The following MMP20 variants were observed in gnomAD, a reference collection of about 807,000 sequenced individuals.
The protein encoded by MMP20 is matrix metalloproteinase-20.
MMP20 carries 50 observed loss-of-function variants against 51.8 expected under a neutral mutation model. The ratio of observed to expected loss-of-function variants is 0.97; its 90% CI spans 0.77 to 1.22. The LOEUF (loss-of-function observed/expected upper bound fraction) is 1.22. Ranked by LOEUF, MMP20 falls within the 50% of genes most tolerant of loss-of-function variation. The pLI is 0.00. For missense variants in MMP20, 663 were observed against 601.4 expected (o/e 1.10, Z -1.07); for synonymous variants, 244 against 216.2 (o/e 1.13, Z -1.13).
Position 102,594,730 on chromosome 11 carries a change from C to T in MMP20, c.981G>A (p.Leu327=). Residue 327 remains leucine, a synonymous_variant, in exon 7 of 10, where the codon TTG becomes TTA. Coordinates refer to ENST00000260228, the MANE Select transcript of MMP20 (RefSeq NM_004771.4). The stretch of plus-strand genomic sequence containing the variant: ...TAGTGCTGGGCCGAATTCCTGTCCG[C>T]AAGTGAACCTGCCGTCTCCAGAAAA... ...DRIFWRRQVH[L]RTGIRPSTIT... The T allele has an allele frequency of 6.3e-7, 1 of 1,593,928 alleles. No homozygotes were observed. The highest frequency in any genetic ancestry group is 1.1e-5 in the South Asian group (1 of 90,514).
At chr11:102,611,460 C>T (rs545650418) in intron 3 of MMP20, among the ~76,000 whole-genome samples, 17 of 152,266 alleles carry the variant, frequency 1.1e-4, no homozygotes, top group Non-Finnish European at 1.9e-4. Context: ...ATGTGGCTAA[C>T]GGGAAAGCAA....
chr11:102,590,634 T>C (rs998116138), intron 8 of MMP20, among the ~76,000 whole-genome samples: 4 of 152,182 alleles, frequency 2.6e-5, no homozygotes, highest in African/African-American at 9.7e-5. Flanking sequence ...TGAACTAGCA[T>C]GAGGAGCAAG....
At chr11:102,603,430 G>T (rs1859473646) in intron 6 of MMP20, among the ~76,000 whole-genome samples, 1 of 152,128 alleles carries the variant, frequency 6.6e-6, no homozygotes, top group South Asian at 2.1e-4. Context: ...TAGGGGCACG[G>T]ATTCTGAAGT....
intron 6 of MMP20, among the ~76,000 whole-genome samples, chr11:102,604,093 A>G (rs1613596): frequency 0.52 from 79,218 of 151,040 alleles, 21,010 homozygotes; most frequent in South Asian, 0.65. Flanking sequence ...TGACTTCACC[A>G]CCTCCTTTAC....
chr11:102,607,330 T>A (rs1238609677), intron 5 of MMP20: 1 of 159,102 alleles, frequency 6.3e-6, no homozygotes, highest in African/African-American at 2.4e-5. Flanking sequence ...TATCAGTGAG[T>A]CTCCTCTCCT....
intron 8 of MMP20, among the ~76,000 whole-genome samples, chr11:102,590,306 T>A (rs1054928762): frequency 2.6e-5 from 4 of 152,188 alleles, no homozygotes; most frequent in African/African-American, 9.7e-5. Context: ...TGGTTCTAGT[T>A]GGCAAAGTTT....
chr11:102,578,504 C>T (rs1859152780), intron 9 of MMP20, among the ~76,000 whole-genome samples: 1 of 152,130 alleles, frequency 6.6e-6, no homozygotes, highest in Admixed American at 6.5e-5. Flanking sequence ...ATCTAGCTGA[C>T]TAATCGATTG....
intron 1 of MMP20, among the ~76,000 whole-genome samples, chr11:102,622,429 T>G (rs913789442): frequency 6.6e-6 from 1 of 152,130 alleles, no homozygotes; most frequent in Non-Finnish European, 1.5e-5. Context: ...GCCTGATGAT[T>G]GCATTCCAAG....
intron 5 of MMP20, among the ~76,000 whole-genome samples, 200 bp downstream of exon 5, chr11:102,608,737 G>T (rs750036842): frequency 7.9e-5 from 12 of 152,174 alleles, no homozygotes; most frequent in Non-Finnish European, 1.5e-4. Flanking sequence ...CTAATATGCT[G>T]TAAAGGAAAG....
At chr11:102,602,471 T>C (rs1591616183) in intron 6 of MMP20, among the ~76,000 whole-genome samples, 1 of 152,110 alleles carries the variant, frequency 6.6e-6, no homozygotes, top group Non-Finnish European at 1.5e-5. Flanking sequence ...GCAGAGGGTG[T>C]GGAAGCAAAG....
chr11:102,616,967 C>T lies in MMP20; in HGVS notation c.219G>A (p.Lys73=), dbSNP rs1189370247. The change falls in exon 2 of 10, where the codon AAG becomes AAA. Residue 73 remains lysine (K), a synonymous_variant. Transcript: ENST00000260228. ...GGAGGCCAAAGAACGCTTGTAGCTC[C>T]TTAATCTTCCTTATCATGGAATTGC... ...RGSNSMIRKI[K]ELQAFFGLQV... 3.1e-6 allele frequency: 5 copies of T among 1,614,058 alleles called. No homozygotes were observed. The African/African-American group carries it at 6.7e-5, about 22-fold the overall frequency.
At chr11:102,606,446 A>G in intron 6 of MMP20, 89 bp downstream of exon 6, 2 of 1,524,434 alleles carry the variant, frequency 1.3e-6, no homozygotes, top group Non-Finnish European at 1.8e-6. Context: ...TGATCTTCAT[A>G]CAAGGCAGCA....
chr11:102,578,923 A>G, intron 9 of MMP20, 116 bp downstream of exon 9: 1 of 762,884 alleles, frequency 1.3e-6, no homozygotes, highest in South Asian at 1.4e-5. Flanking sequence ...AGGACCTAAG[A>G]CCAAATATAA....
chr11:102,604,020 G>GT lies in MMP20; in HGVS notation c.953+2514dup, dbSNP rs55952766. On this transcript the variant is annotated intron_variant, in intron 6 of 9. Coordinates refer to ENST00000260228, the MANE Select transcript of MMP20 (RefSeq NM_004771.4). ...TGCTCACAGTTTGATAAACAGAGGTGTTTTTTTTTTTTGCTTTTTTTTAAG... is the reference window on the plus strand; with the variant it reads ...TGCTCACAGTTTGATAAACAGAGGTGTTTTTTTTTTTTTGCTTTTTTTTAAG... 9.7e-3 allele frequency among the ~76,000 whole-genome samples: 1,423 copies of GT among 146,362 alleles called. 11 individuals carry two copies. The highest frequency in any genetic ancestry group is 0.017 in the Middle Eastern group (5 of 286).
intron 1 of MMP20, among the ~76,000 whole-genome samples, chr11:102,624,133 T>C (rs1429350485): frequency 6.6e-6 from 1 of 152,190 alleles, no homozygotes; most frequent in Non-Finnish European, 1.5e-5. Flanking sequence ...GGTAGGGACA[T>C]GCCATTGCAC....
chr11:102,596,298 C>T (rs1209134065), intron 6 of MMP20, among the ~76,000 whole-genome samples: 3 of 152,126 alleles, frequency 2.0e-5, no homozygotes, highest in Admixed American at 6.5e-5. Context: ...CCTCATGTTT[C>T]GTAAGAGGCA....
At chr11:102,598,614 T>C (rs2135936177) in intron 6 of MMP20, among the ~76,000 whole-genome samples, 2 of 152,340 alleles carry the variant, frequency 1.3e-5, no homozygotes, top group South Asian at 4.1e-4. Context: ...AGTAACTAAC[T>C]CATCAAATTT....
intron 8 of MMP20, chr11:102,583,671 G>A (rs758244742): frequency 1.3e-5 from 2 of 152,130 alleles, no homozygotes; most frequent in Non-Finnish European, 2.9e-5. Flanking sequence ...TGTTAAGCAA[G>A]CGATGCATGA....
intron 1 of MMP20, among the ~76,000 whole-genome samples, chr11:102,618,482 G>A (rs1859703984): frequency 6.6e-6 from 1 of 151,596 alleles, no homozygotes; most frequent in Admixed American, 6.6e-5. Flanking sequence ...TCTGATGTCA[G>A]GGGATTTATT....
Sources: allele counts gnomAD v4.1 joint callset (sites outside exome capture counted in the v4.1 genomes callset), GRCh38; gene constraint gnomAD v4.1.1; transcripts MANE v1.5; gene names NCBI Gene and HGNC (gene_info 2026-07-23, HGNC 2026-07-21).